Variants in CCDC3 observed in about 807,000 individuals in gnomAD.
The protein encoded by CCDC3 is coiled-coil domain containing 3.
In CCDC3, 24 loss-of-function variants were observed where a neutral mutation model predicts 21.4. That is an observed-to-expected ratio of 1.12 (90% CI 0.81 to 1.58). CCDC3 has a LOEUF of 1.58. Ranked by LOEUF, CCDC3 falls within the 40% of genes most tolerant of loss-of-function variation. The pLI, the probability that CCDC3 is intolerant of heterozygous loss-of-function variation, is 0.00. For synonymous variants in CCDC3, 186 were observed against 166.0 expected, an observed-to-expected ratio of 1.12 and a Z score of -0.93; for missense variants, 425 against 360.9, an observed-to-expected ratio of 1.18 and a Z score of -1.44.
In CCDC3 at chr10:13,001,531, C is replaced by T; in HGVS notation, c.40G>A (p.Gly14Ser). The T allele has an allele frequency of 7.7e-7, 1 of 1,301,612 alleles. No individual in the cohort carries two copies. The highest frequency in any genetic ancestry group is 3.1e-5 in the East Asian group (1 of 31,776). 80.6% of individuals were successfully genotyped at this position (1,301,612 alleles called of 1,614,324 possible). A position where few individuals can be genotyped will look rare whatever the true frequency, so the allele number is the denominator to read the frequency against. Residue 14 changes from glycine (G) to serine (S), a missense_variant, in exon 1 of 3, where the codon GGT becomes AGT. Transcript: ENST00000378825. ...CAGGCGCGCGCGGGCGCTGGGGGAC[C>T]CGCCAGGCAGAGCGCGGCGAGCAGC... The part of the protein sequence containing the change: ...QLLLAALCLA[G>S]PPAPARACQL...
intron 2 of CCDC3, among the ~76,000 whole-genome samples, chr10:12,941,778 G>C (rs1299267612): frequency 6.6e-6 from 1 of 152,120 alleles, no homozygotes; most frequent in Non-Finnish European, 1.5e-5. Context: ...TGCCGCTTTG[G>C]CATAAGGATT....
rs557365028 is a variant in CCDC3, at chr10:13,072,930, G to A, written c.-270+938C>T. Among the ~76,000 whole-genome samples the A allele has an allele frequency of 4.9e-3, 688 of 140,534 alleles. 6 individuals are homozygous for A. The highest frequency in any genetic ancestry group is 0.017 in the African/African-American group (652 of 38,826). The allele number at this position is 140,534 out of a possible 152,430, so 92.2% of individuals were successfully genotyped here. A position where few individuals can be genotyped will look rare whatever the true frequency, so the allele number is the denominator to read the frequency against. ...CACCCAGGCTAGAGTGCAGTGGCAT[G>A]ATCTCGGCTCACTGCAACCTCCACC... On this transcript the variant is annotated intron_variant, in intron 4 of 6. Transcript: ENST00000378839.
intron 2 of CCDC3, among the ~76,000 whole-genome samples, chr10:12,911,095 C>T (rs891224334): frequency 1.3e-5 from 2 of 152,234 alleles, no homozygotes; most frequent in African/African-American, 4.8e-5. Context: ...AAGGCCATTC[C>T]ATGACTCTGC....
intron 2 of CCDC3, among the ~76,000 whole-genome samples, chr10:12,927,483 C>A (rs1320903996): frequency 6.6e-6 from 1 of 152,046 alleles, no homozygotes; most frequent in African/African-American, 2.4e-5. Context: ...CCATATATTA[C>A]ACTGATTGCT....
chr10:13,017,955 A>T (rs898837409), intron 5 of CCDC3, among the ~76,000 whole-genome samples: 1 of 152,084 alleles, frequency 6.6e-6, no homozygotes, highest in African/African-American at 2.4e-5. Context: ...CCGGGCTAAG[A>T]TTAAGCATGC....
At chr10:12,900,960 A>G (rs1001838371) in intron 2 of CCDC3, among the ~76,000 whole-genome samples, 1 of 152,136 alleles carries the variant, frequency 6.6e-6, no homozygotes, top group African/African-American at 2.4e-5. Flanking sequence ...GATAGCCCTA[A>G]GCTGAGTCTC....
intron 4 of CCDC3, among the ~76,000 whole-genome samples, chr10:13,052,331 C>A (rs1463846944): frequency 6.6e-6 from 1 of 152,116 alleles, no homozygotes; most frequent in Non-Finnish European, 1.5e-5. Context: ...TATGCTTGCA[C>A]CACTGTACTC....
chr10:12,927,073 G>A (rs553491645), intron 2 of CCDC3, among the ~76,000 whole-genome samples: 1 of 152,256 alleles, frequency 6.6e-6, no homozygotes, highest in East Asian at 1.9e-4. Flanking sequence ...CAGCCAACGT[G>A]ATATTTACCA....
chr10:13,038,051 T>G (rs1451505774), intron 5 of CCDC3, among the ~76,000 whole-genome samples: 1 of 152,066 alleles, frequency 6.6e-6, no homozygotes, highest in African/African-American at 2.4e-5. Flanking sequence ...AGGAGCGAGA[T>G]CATTGCAGGG....
chr10:13,073,040 T>C (rs1365617529), intron 4 of CCDC3, among the ~76,000 whole-genome samples: 1 of 151,904 alleles, frequency 6.6e-6, no homozygotes, highest in Admixed American at 6.6e-5. Flanking sequence ...CTAATTTTTA[T>C]ATTTTTAGTA....
intron 2 of CCDC3, among the ~76,000 whole-genome samples, chr10:12,918,558 C>G (rs961866314): frequency 1.3e-5 from 2 of 152,186 alleles, no homozygotes; most frequent in African/African-American, 4.8e-5. Context: ...TTGCATTTCC[C>G]CTTCTTCTCA....
chr10:13,004,614 G>A (rs941747631), upstream of CCDC3, among the ~76,000 whole-genome samples: 25 of 136,730 alleles, frequency 1.8e-4, no homozygotes, highest in African/African-American at 5.9e-4. Flanking sequence ...CCTGCCACCA[G>A]GTGGCTGACT....
intron 2 of CCDC3, among the ~76,000 whole-genome samples, chr10:12,974,936 T>C (rs545873109): frequency 2.6e-5 from 4 of 152,210 alleles, no homozygotes; most frequent in Non-Finnish European, 4.4e-5. Flanking sequence ...CCTGGTGTTT[T>C]CTACACATAC....
At chr10:12,981,177 A>ATTTTTTTTT (rs59193619) in intron 2 of CCDC3, among the ~76,000 whole-genome samples, 6 of 105,562 alleles carry the variant, frequency 5.7e-5, no homozygotes, top group South Asian at 3.2e-4. Flanking sequence ...CTGGCCCAGG[A>ATTTTTTTTT]TTTTTTTTTT....
intron 2 of CCDC3, among the ~76,000 whole-genome samples, chr10:12,965,353 G>A (rs192135731): frequency 3.8e-4 from 58 of 152,126 alleles, no homozygotes; most frequent in African/African-American, 1.4e-3. Context: ...ACTAAACCTT[G>A]GAAATTAGAG....
chr10:13,076,602 C>G (rs892136496), intron 3 of CCDC3, among the ~76,000 whole-genome samples: 1 of 152,204 alleles, frequency 6.6e-6, no homozygotes, highest in African/African-American at 2.4e-5. Context: ...TAAGCCCTAT[C>G]CTATGTAGTT....
chr10:13,040,522 C>T (rs919514170), intron 5 of CCDC3, among the ~76,000 whole-genome samples: 1 of 152,136 alleles, frequency 6.6e-6, no homozygotes, highest in African/African-American at 2.4e-5. Flanking sequence ...AAAACCCCAT[C>T]TCTACCAAAA....
At chr10:12,914,382 C>G (rs1422669300) in intron 2 of CCDC3, among the ~76,000 whole-genome samples, 3 of 152,008 alleles carry the variant, frequency 2.0e-5, no homozygotes, top group Non-Finnish European at 2.9e-5. Context: ...CTGTGGTAGT[C>G]TTTTTTAGTC....
chr10:12,986,356 C>T (rs1292171627), intron 2 of CCDC3, among the ~76,000 whole-genome samples: 1 of 152,162 alleles, frequency 6.6e-6, no homozygotes, highest in African/African-American at 2.4e-5. Flanking sequence ...TATTGCACTA[C>T]AGTTATACAA....
Sources: gnomAD v4.1 joint callset for allele counts (sites outside exome capture counted in the v4.1 genomes callset) on GRCh38, gnomAD v4.1.1 for gene constraint, MANE v1.5 for transcripts, NCBI Gene and HGNC (gene_info 2026-07-23, HGNC 2026-07-21) for gene names.